AGBL4: variants seen among roughly 807,000 people sequenced by gnomAD.
AGBL4 encodes the protein AGBL carboxypeptidase 4, also known as cytosolic carboxypeptidase 6.
AGBL4 carries 58 observed loss-of-function variants against 66.4 expected under a neutral mutation model. The ratio of observed to expected loss-of-function variants is 0.87; its 90% CI spans 0.71 to 1.09. The LOEUF (loss-of-function observed/expected upper bound fraction) is 1.09. Among genes scored for constraint, AGBL4 ranks in the 50% least tolerant of loss-of-function variants. The pLI is 0.00. For missense variants in AGBL4, 579 were observed against 631.0 expected (o/e 0.92, Z 0.88); for synonymous variants, 234 against 222.9 (o/e 1.05, Z -0.44).
At chr1:48,918,269 G>C (rs1278723237) in intron 5 of AGBL4, among the ~76,000 whole-genome samples, 3 of 152,164 alleles carry the variant, frequency 2.0e-5, no homozygotes, top group Non-Finnish European at 4.4e-5. Flanking sequence ...GGAATGCCTT[G>C]TTCCTTTATT....
chr1:49,631,295 T>G (rs972552401), intron 3 of AGBL4, among the ~76,000 whole-genome samples: 2 of 152,208 alleles, frequency 1.3e-5, no homozygotes, highest in Non-Finnish European at 2.9e-5. Flanking sequence ...AATCCACTCT[T>G]CTACTGCAGG....
intron 1 of AGBL4, among the ~76,000 whole-genome samples, chr1:49,906,429 T>C (rs1371878150): frequency 6.6e-6 from 1 of 152,032 alleles, no homozygotes. Context: ...GTAATTTATA[T>C]TTTCGTGGTT....
chr1:49,192,517 G>A (rs1439624114), intron 4 of AGBL4, among the ~76,000 whole-genome samples: 16 of 152,142 alleles, frequency 1.1e-4, no homozygotes, highest in East Asian at 7.8e-4. Context: ...CAGGCTGGTC[G>A]CAAACTCCTG....
chr1:49,251,337 C>T (rs574402965), intron 3 of AGBL4, among the ~76,000 whole-genome samples: 1 of 152,288 alleles, frequency 6.6e-6, no homozygotes, highest in South Asian at 2.1e-4. Flanking sequence ...CTTGCCCTTC[C>T]ACACATAAAG....
chr1:49,949,122 G>A (rs1655831648), intron 1 of AGBL4, among the ~76,000 whole-genome samples: 1 of 151,688 alleles, frequency 6.6e-6, no homozygotes, highest in South Asian at 2.1e-4. Flanking sequence ...ACAGTGCTGG[G>A]ATAATTGGCT....
chr1:49,833,978 A>T (rs1645774891), intron 2 of AGBL4, among the ~76,000 whole-genome samples: 1 of 152,070 alleles, frequency 6.6e-6, no homozygotes. Flanking sequence ...CTCTGGATTC[A>T]GTTTGCTAGG....
chr1:49,890,416 AC>A (rs1648523874), intron 1 of AGBL4, among the ~76,000 whole-genome samples: 1 of 152,174 alleles, frequency 6.6e-6, no homozygotes, highest in Non-Finnish European at 1.5e-5. Context: ...ACTGTGTGCC[AC>A]TTATTTGCCA....
At chr1:49,642,811 A>G (rs1386743536) in intron 3 of AGBL4, among the ~76,000 whole-genome samples, 1 of 152,026 alleles carries the variant, frequency 6.6e-6, no homozygotes, top group Non-Finnish European at 1.5e-5. Context: ...GAAAGATCTG[A>G]AAGGATTAAC....
chr1:49,258,491 G>A (rs939208446), intron 3 of AGBL4, among the ~76,000 whole-genome samples: 5 of 152,114 alleles, frequency 3.3e-5, no homozygotes, highest in South Asian at 2.1e-4. Context: ...GCCAAGGCTC[G>A]AGAACTACGT....
chr1:48,773,937 T>C (rs1381085505), intron 6 of AGBL4, among the ~76,000 whole-genome samples: 2 of 152,232 alleles, frequency 1.3e-5, no homozygotes, highest in African/African-American at 4.8e-5. Context: ...GATTGTAATT[T>C]GATAAGTAGT....
chr1:49,358,653 GA>G (rs546770508), intron 3 of AGBL4, among the ~76,000 whole-genome samples: 27 of 150,838 alleles, frequency 1.8e-4, no homozygotes, highest in Admixed American at 9.2e-4. Context: ...TGAACATTTA[GA>G]AAAAAAAATG....
At position 48,599,302 on chromosome 1, in the gene AGBL4, G is replaced by A. The variant is rs141470548; in HGVS notation, c.952-8317C>T. ...ATACATAAACCAGTAACATAGTTAC[G>A]TATTATTATTAAGTGTTATGTATTA... On this transcript the variant is annotated intron_variant, in intron 9 of 13. Coordinates refer to ENST00000371839, the MANE Select transcript of AGBL4 (RefSeq NM_032785.4). Among the ~76,000 whole-genome samples, 17 of 152,234 alleles carry A rather than the reference G, an allele frequency of 1.1e-4. No homozygotes were observed. The East Asian group carries it at 1.5e-3, about 14-fold the overall frequency.
At chr1:49,386,651 G>A (rs1644743112) in intron 3 of AGBL4, among the ~76,000 whole-genome samples, 1 of 151,898 alleles carries the variant, frequency 6.6e-6, no homozygotes, top group Non-Finnish European at 1.5e-5. Context: ...TTCACTTGAT[G>A]ATTCAGAATA....
intron 3 of AGBL4, among the ~76,000 whole-genome samples, chr1:49,375,250 C>G (rs1644448449): frequency 6.6e-6 from 1 of 152,074 alleles, no homozygotes. Flanking sequence ...GGGAAAGTCC[C>G]AAGTGTCCTC....
intron 1 of AGBL4, among the ~76,000 whole-genome samples, chr1:50,013,833 T>C (rs1661731378): frequency 6.6e-6 from 1 of 152,178 alleles, no homozygotes; most frequent in African/African-American, 2.4e-5. Flanking sequence ...TCTAATAGAA[T>C]GAAAGGCACC....
intron 11 of AGBL4, among the ~76,000 whole-genome samples, chr1:48,561,710 T>C (rs967761622): frequency 1.3e-5 from 2 of 152,192 alleles, no homozygotes. Context: ...CTACTTGAGC[T>C]GGGACATGGG....
intron 3 of AGBL4, among the ~76,000 whole-genome samples, chr1:49,408,281 T>G (rs1407498822): frequency 6.6e-6 from 1 of 152,216 alleles, no homozygotes; most frequent in Non-Finnish European, 1.5e-5. Context: ...AAAATGCATG[T>G]GATAACACTG....
chr1:48,759,509 C>G, intron 6 of AGBL4: 2 of 887,064 alleles, frequency 2.3e-6, no homozygotes, highest in East Asian at 2.9e-5. Context: ...TGCCCAAAGT[C>G]ATAACCAGGA....
intron 2 of AGBL4, among the ~76,000 whole-genome samples, chr1:49,831,851 G>A (rs1394245968): frequency 6.6e-6 from 1 of 152,104 alleles, no homozygotes. Context: ...GACCTTTTCT[G>A]CATCTATGGA....
Sources: gnomAD v4.1 joint callset for allele counts (sites outside exome capture counted in the v4.1 genomes callset) on GRCh38, gnomAD v4.1.1 for gene constraint, MANE v1.5 for transcripts, NCBI Gene and HGNC (gene_info 2026-07-23, HGNC 2026-07-21) for gene names.